NTM: variants seen among roughly 807,000 people sequenced by gnomAD.
NTM encodes the protein IgLON family member 2.
In NTM, 13 loss-of-function variants were observed where a neutral mutation model predicts 42.1. That is an observed-to-expected ratio of 0.31 (90% CI 0.20 to 0.49). The LOEUF is 0.49. Among genes scored for constraint, NTM ranks in the 20% least tolerant of loss-of-function variants. The pLI is 0.99. For missense variants in NTM, 373 were observed against 452.8 expected (o/e 0.82, Z 1.60); for synonymous variants, 187 against 179.2 (o/e 1.04, Z -0.35).
Position 132,146,136 on chromosome 11 carries a change from A to G in NTM, c.168-146A>G, listed in dbSNP as rs181354961. On this transcript the variant is annotated intron_variant, in intron 2 of 8. Transcript: ENST00000683400. The surrounding 1 kb of genome is among the most constrained non-coding windows in gnomAD (Gnocchi z 4.5). ...ATAAGACCTTTGCTGTGTTCCAGAA[A>G]AGTCCACCCCTGACAAATCAAAGGA... The G allele has an allele frequency of 2.3e-6, 3 of 1,283,096 alleles. No homozygotes were observed. Among genetic ancestry groups the G allele is most frequent in the Non-Finnish European group, 3.2e-6 (3 of 945,070 alleles). The allele number at this position is 1,283,096 out of a possible 1,614,324, so 79.5% of individuals were successfully genotyped here. A position where few individuals can be genotyped will look rare whatever the true frequency, so the allele number is the denominator to read the frequency against.
chr11:131,411,570 T>C (rs1946424940), intron 1 of NTM, among the ~76,000 whole-genome samples: 1 of 151,262 alleles, frequency 6.6e-6, no homozygotes, highest in African/African-American at 2.4e-5. Context: ...TGTGTGTGTG[T>C]GTGTGTGTGT....
intron 2 of NTM, among the ~76,000 whole-genome samples, chr11:132,088,265 C>T (rs1594543911): frequency 6.6e-6 from 1 of 152,264 alleles, no homozygotes; most frequent in Non-Finnish European, 1.5e-5. Context: ...CGTGGGGCAG[C>T]TTCCCCTGCT....
intron 4 of NTM, among the ~76,000 whole-genome samples, chr11:132,226,343 C>G (rs1334409959): frequency 6.6e-6 from 1 of 152,144 alleles, no homozygotes; most frequent in Non-Finnish European, 1.5e-5. Flanking sequence ...GTAAATGTTC[C>G]TATTTCTCCA....
chr11:132,141,316 A>G (rs2069104331), intron 2 of NTM, among the ~76,000 whole-genome samples: 1 of 151,520 alleles, frequency 6.6e-6, no homozygotes. Flanking sequence ...TAAATCCAAA[A>G]GTAGCTTCAG....
chr11:131,895,216 A>T (rs2052070263), intron 1 of NTM, among the ~76,000 whole-genome samples: 1 of 152,112 alleles, frequency 6.6e-6, no homozygotes, highest in South Asian at 2.1e-4. Flanking sequence ...GGAAATGAAG[A>T]TTTTTATTTT....
chr11:131,853,742 C>T (rs1245990162), intron 1 of NTM, among the ~76,000 whole-genome samples: 1 of 152,014 alleles, frequency 6.6e-6, no homozygotes, highest in Non-Finnish European at 1.5e-5. Flanking sequence ...ATTTATATTC[C>T]TTTAGGTATA....
intron 2 of NTM, among the ~76,000 whole-genome samples, chr11:132,069,395 A>G (rs558258641): frequency 9.9e-6 from 1 of 100,528 alleles, no homozygotes; most frequent in Non-Finnish European, 2.1e-5. Flanking sequence ...CACTCAGCCA[A>G]GTTAACACGT....
At chr11:131,436,404 G>A (rs558509125) in intron 1 of NTM, among the ~76,000 whole-genome samples, 6 of 152,088 alleles carry the variant, frequency 3.9e-5, no homozygotes, top group Non-Finnish European at 8.8e-5. Context: ...CTATGAATCC[G>A]TCTGGTCCTG....
chr11:132,007,153 C>T (rs1198389099), intron 2 of NTM, among the ~76,000 whole-genome samples: 1 of 152,228 alleles, frequency 6.6e-6, no homozygotes, highest in Non-Finnish European at 1.5e-5. Context: ...GTCACTGAGA[C>T]TTTCATGTTG....
At chr11:131,477,700 CAG>C (rs891936458) in intron 1 of NTM, among the ~76,000 whole-genome samples, 20 of 151,864 alleles carry the variant, frequency 1.3e-4, no homozygotes, top group African/African-American at 4.8e-4. Context: ...TACTATTTCC[CAG>C]AGAGATATAT....
chr11:131,954,887 TTTATG>T (rs908694283), intron 2 of NTM, among the ~76,000 whole-genome samples: 2 of 152,222 alleles, frequency 1.3e-5, no homozygotes, highest in Non-Finnish European at 2.9e-5. Flanking sequence ...CATTAAATAT[TTTATG>T]TTATATTTTA....
chr11:132,044,002 G>T (rs2077558397), intron 2 of NTM, among the ~76,000 whole-genome samples: 1 of 149,176 alleles, frequency 6.7e-6, no homozygotes, highest in Non-Finnish European at 1.5e-5. Flanking sequence ...GTATGGGTAT[G>T]TGTATGTGTG....
intron 4 of NTM, among the ~76,000 whole-genome samples, chr11:132,252,891 G>A (rs2092110285): frequency 6.6e-6 from 1 of 152,126 alleles, no homozygotes; most frequent in African/African-American, 2.4e-5. Context: ...AGATCCATAG[G>A]ATATAAGAAC....
intron 2 of NTM, among the ~76,000 whole-genome samples, chr11:132,092,132 T>C (rs1394223618): frequency 6.6e-6 from 1 of 152,242 alleles, no homozygotes; most frequent in African/African-American, 2.4e-5. Flanking sequence ...TTGTCTTTCC[T>C]ATGCCTTCAG....
chr11:132,089,693 C>T (rs1477050265), intron 2 of NTM, among the ~76,000 whole-genome samples: 1 of 152,104 alleles, frequency 6.6e-6, no homozygotes, highest in Non-Finnish European at 1.5e-5. Flanking sequence ...GGGCATTGTT[C>T]TCATAAACTT....
intron 1 of NTM, among the ~76,000 whole-genome samples, chr11:131,499,687 G>T (rs1186790906): frequency 6.6e-6 from 1 of 151,940 alleles, no homozygotes; most frequent in Non-Finnish European, 1.5e-5. Context: ...CTCCTCCCCT[G>T]CTAACAATTC....
intron 1 of NTM, among the ~76,000 whole-genome samples, chr11:131,806,873 C>A (rs2092517258): frequency 1.3e-5 from 2 of 152,166 alleles, no homozygotes; most frequent in African/African-American, 4.8e-5. Context: ...TTTAAGTTCA[C>A]AAATTTACAT....
intron 4 of NTM, among the ~76,000 whole-genome samples, chr11:132,293,659 A>G (rs2094525344): frequency 6.6e-6 from 1 of 151,832 alleles, no homozygotes; most frequent in Non-Finnish European, 1.5e-5. Context: ...TCTTTTCTGA[A>G]TGGCCTGAAA....
At chr11:131,433,599 G>C (rs1008501396) in intron 1 of NTM, among the ~76,000 whole-genome samples, 2 of 152,192 alleles carry the variant, frequency 1.3e-5, no homozygotes, top group African/African-American at 4.8e-5. Flanking sequence ...ATTGGGTTTA[G>C]AATTTTCACC....
Sources: gnomAD v4.1 joint callset for allele counts (sites outside exome capture counted in the v4.1 genomes callset) on GRCh38, gnomAD v4.1.1 for gene constraint, Gnocchi (gnomAD v3.1) non-coding constraint, MANE v1.5 for transcripts, NCBI Gene and HGNC (gene_info 2026-07-23, HGNC 2026-07-21) for gene names.